Variants in NPTN observed in about 807,000 individuals in gnomAD.
NPTN encodes SDR-1.
A neutral mutation model predicts 42.7 loss-of-function variants in NPTN; 5 were observed. The observed-to-expected ratio is 0.12, with a 90% confidence interval of 0.06 to 0.25. NPTN has a LOEUF of 0.25. Ranked by LOEUF, NPTN falls within the 10% of genes least tolerant of loss-of-function variation. NPTN has a pLI of 1.00. For synonymous variants in NPTN, 180 were observed against 201.9 expected, an observed-to-expected ratio of 0.89 and a Z score of 0.92; for missense variants, 307 against 525.4, an observed-to-expected ratio of 0.58 and a Z score of 4.06.
intron 1 of NPTN, among the ~76,000 whole-genome samples, chr15:73,630,938 A>T (rs1455570449): frequency 6.6e-6 from 1 of 152,238 alleles, no homozygotes; most frequent in East Asian, 1.9e-4. Context: ...CTCTTCCTTG[A>T]ATTAAATTTA....
chr15:73,631,177 T>C (rs150486761), intron 1 of NPTN, among the ~76,000 whole-genome samples: 1 of 152,304 alleles, frequency 6.6e-6, no homozygotes, highest in Non-Finnish European at 1.5e-5. Flanking sequence ...CCAGCAGAGA[T>C]TAAACATGTT....
intron 8 of NPTN, 88 bp from the exon 9 acceptor site, chr15:73,561,136 A>C (rs1894636122): frequency 6.6e-6 from 1 of 152,334 alleles, no homozygotes; most frequent in Admixed American, 6.5e-5. Context: ...ACTTTGGTTC[A>C]AACAGCACGC....
chr15:73,626,769 G>T (rs556213553), intron 1 of NPTN, among the ~76,000 whole-genome samples: 2 of 152,088 alleles, frequency 1.3e-5, no homozygotes, highest in Admixed American at 1.3e-4. Context: ...AAAACTATTG[G>T]TACGATTTGG....
intron 6 of NPTN, chr15:73,563,657 T>C: frequency 2.6e-6 from 2 of 776,508 alleles, no homozygotes; most frequent in Non-Finnish European, 3.1e-6. Flanking sequence ...GGTGAATGCA[T>C]GCAGTTTTGG....
chr15:73,620,947 G>A lies in NPTN; in HGVS notation c.91+12178C>T, dbSNP rs143386643. ...CTGATCTAAACATTGTATTATTAGA[G>A]TTACTTACCCTTATTTTCTCCTTTA... On this transcript the variant is annotated intron_variant, in intron 1 of 8. Coordinates refer to ENST00000345330, the MANE Select transcript of NPTN (RefSeq NM_012428.4). Among the ~76,000 whole-genome samples, 717 of 152,302 alleles carry A rather than the reference G, an allele frequency of 4.7e-3. 4 individuals carry two copies. Among genetic ancestry groups the A allele is most frequent in the Non-Finnish European group, 6.2e-3 (420 of 68,014 alleles).
intron 1 of NPTN, among the ~76,000 whole-genome samples, chr15:73,609,260 G>A (rs1486943836): frequency 6.6e-6 from 1 of 152,096 alleles, no homozygotes; most frequent in Non-Finnish European, 1.5e-5. Context: ...CAGATATAAG[G>A]CACAGTATCC....
chr15:73,607,607 C>G (rs1287130215), intron 1 of NPTN, among the ~76,000 whole-genome samples: 1 of 152,120 alleles, frequency 6.6e-6, no homozygotes, highest in African/African-American at 2.4e-5. Flanking sequence ...GAGGGAAATT[C>G]AAGTTTTGAA....
chr15:73,608,630 T>C (rs540373739), intron 1 of NPTN, among the ~76,000 whole-genome samples: 29 of 108,894 alleles, frequency 2.7e-4, no homozygotes, highest in East Asian at 2.7e-4. Flanking sequence ...GAAGAGCATA[T>C]TGGGCTTCTT....
intron 4 of NPTN, among the ~76,000 whole-genome samples, chr15:73,583,816 G>A (rs1229322735): frequency 6.6e-6 from 1 of 152,154 alleles, no homozygotes; most frequent in Non-Finnish European, 1.5e-5. Context: ...AAGAAAGGAC[G>A]GTGGAGATGC....
chr15:73,574,199 A>G (rs1895560806), intron 4 of NPTN, among the ~76,000 whole-genome samples: 1 of 152,242 alleles, frequency 6.6e-6, no homozygotes, highest in Admixed American at 6.5e-5. Context: ...CATCCTGTCA[A>G]ATATCACACA....
At chr15:73,595,180 C>G (rs1272014904) in intron 2 of NPTN, among the ~76,000 whole-genome samples, 4 of 152,188 alleles carry the variant, frequency 2.6e-5, no homozygotes, top group African/African-American at 9.7e-5. Flanking sequence ...CTTGGCATGG[C>G]CATTCTAGCT....
At chr15:73,587,478 G>T in intron 4 of NPTN, 46 bp downstream of exon 4, 3 of 1,360,654 alleles carry the variant, frequency 2.2e-6, no homozygotes, top group Non-Finnish European at 3.2e-6. Flanking sequence ...GTACTGTCTT[G>T]GAAGGAGAGT....
chr15:73,621,273 G>A (rs1365500369), intron 1 of NPTN, among the ~76,000 whole-genome samples: 1 of 152,140 alleles, frequency 6.6e-6, no homozygotes, highest in Non-Finnish European at 1.5e-5. Flanking sequence ...TTAATTCAAT[G>A]AAAAGACTGG....
At chr15:73,577,073 G>A (rs1895739227) in intron 4 of NPTN, among the ~76,000 whole-genome samples, 1 of 152,096 alleles carries the variant, frequency 6.6e-6, no homozygotes, top group African/African-American at 2.4e-5. Context: ...TCAAATCTTT[G>A]CTTTTAAAAT....
chr15:73,630,797 G>T (rs543812983), intron 1 of NPTN, among the ~76,000 whole-genome samples: 171 of 152,342 alleles, frequency 1.1e-3, no homozygotes, highest in Non-Finnish European at 1.9e-3. Context: ...CAAACTCCAT[G>T]ACATGAAGTC....
chr15:73,589,258 G>C (rs1330256001), intron 3 of NPTN, among the ~76,000 whole-genome samples: 3 of 152,208 alleles, frequency 2.0e-5, no homozygotes, highest in African/African-American at 7.2e-5. Flanking sequence ...CTTGAACCTG[G>C]GAGGTCAAGG....
chr15:73,618,538 TAAG>T (rs1897973870), intron 1 of NPTN, among the ~76,000 whole-genome samples: 2 of 152,220 alleles, frequency 1.3e-5, no homozygotes, highest in African/African-American at 4.8e-5. Context: ...AAAGTATGTG[TAAG>T]AAGAGAATAA....
At chr15:73,625,519 G>A (rs1566992723) in intron 1 of NPTN, among the ~76,000 whole-genome samples, 2 of 152,122 alleles carry the variant, frequency 1.3e-5, no homozygotes, top group Non-Finnish European at 2.9e-5. Flanking sequence ...TTTTGGTAGA[G>A]ATGGGGTTTC....
rs919503093 is a variant in NPTN, at chr15:73,569,002, C to A, written c.1114+1148G>T. ...AGCACCAGATGTCACTTTGTATTCT[C>A]CACTGGACAGCCAGCTCTGTGGGGC... is the stretch of plus-strand genomic sequence containing the variant. On this transcript the variant is annotated intron_variant, in intron 6 of 8. Coordinates refer to ENST00000345330, the MANE Select transcript of NPTN (RefSeq NM_012428.4). The surrounding 1 kb of genome is among the most constrained non-coding windows in gnomAD (Gnocchi z 4.1). 10 of 985,448 alleles carry A rather than the reference C, an allele frequency of 1.0e-5. No individual in the cohort carries two copies. The highest frequency in any genetic ancestry group is 1.2e-5 in the Non-Finnish European group (10 of 830,044). 61.0% of individuals were successfully genotyped at this position (985,448 alleles called of 1,614,324 possible). A position where few individuals can be genotyped will look rare whatever the true frequency, so the allele number is the denominator to read the frequency against.
Sources: gnomAD v4.1 joint callset for allele counts (sites outside exome capture counted in the v4.1 genomes callset) on GRCh38, gnomAD v4.1.1 for gene constraint, Gnocchi (gnomAD v3.1) non-coding constraint, MANE v1.5 for transcripts, NCBI Gene and HGNC (gene_info 2026-07-23, HGNC 2026-07-21) for gene names.